The following LGR5 variants were observed in gnomAD, a reference collection of about 807,000 sequenced individuals.
The protein encoded by LGR5 is leucine-rich repeat-containing G protein-coupled receptor 5.
LGR5 carries 54 observed loss-of-function variants against 76.7 expected under a neutral mutation model. The ratio of observed to expected loss-of-function variants is 0.70; its 90% CI spans 0.57 to 0.88. The LOEUF (loss-of-function observed/expected upper bound fraction) is 0.88. Among genes scored for constraint, LGR5 ranks in the 40% least tolerant of loss-of-function variants. LGR5 has a pLI of 0.00. For missense variants in LGR5, 1,078 were observed against 1,073.3 expected (o/e 1.00, Z -0.06); for synonymous variants, 406 against 421.9 (o/e 0.96, Z 0.46).
chr12:71,511,613 C>T (rs1001362375), intron 2 of LGR5, among the ~76,000 whole-genome samples: 2 of 152,134 alleles, frequency 1.3e-5, no homozygotes, highest in Non-Finnish European at 2.9e-5. Flanking sequence ...CTTTATAAAC[C>T]ACTTCCAGGT....
chr12:71,493,895 AGT>A (rs1441311526), intron 1 of LGR5, among the ~76,000 whole-genome samples: 1 of 149,622 alleles, frequency 6.7e-6, no homozygotes, highest in Non-Finnish European at 1.5e-5. Flanking sequence ...CGGCCTATCA[AGT>A]GGCTGGGACC....
intron 2 of LGR5, among the ~76,000 whole-genome samples, chr12:71,520,048 G>C (rs1172338009): frequency 6.6e-6 from 1 of 151,828 alleles, no homozygotes; most frequent in Non-Finnish European, 1.5e-5. Flanking sequence ...TCCACTACTA[G>C]ATATATACCC....
At chr12:71,562,957 TAA>T (rs1878132679) in intron 8 of LGR5, among the ~76,000 whole-genome samples, 1 of 152,196 alleles carries the variant, frequency 6.6e-6, no homozygotes, top group Non-Finnish European at 1.5e-5. Context: ...TTTGGCAAAC[TAA>T]GAGTTTTAAA....
chr12:71,496,312 A>G (rs1453708332), intron 1 of LGR5, among the ~76,000 whole-genome samples: 1 of 144,752 alleles, frequency 6.9e-6, no homozygotes, highest in Non-Finnish European at 1.5e-5. Context: ...TGGAGGTTGC[A>G]GTGAGCTGAG....
At chr12:71,547,821 G>A (rs919333150) in intron 4 of LGR5, among the ~76,000 whole-genome samples, 1 of 152,118 alleles carries the variant, frequency 6.6e-6, no homozygotes, top group African/African-American at 2.4e-5. Context: ...TTGCCAGGCT[G>A]GTCTTGAACT....
In LGR5 at chr12:71,584,581, C is replaced by G; in HGVS notation, c.2571C>G (p.Val857=). Residue 857 remains valine, a synonymous_variant, in exon 18 of 18, where the codon GTC becomes GTG. Transcript: ENST00000266674. ...PSLMSINSDD[V]EKQSCDSTQA... ...TGATGTCAATTAACTCTGATGATGT[C>G]GAAAAACAGTCCTGTGACTCAACTC... 6.2e-7 allele frequency: 1 copy of G among 1,614,054 alleles called. No individual in the cohort carries two copies. Among genetic ancestry groups the G allele is most frequent in the South Asian group, 1.1e-5 (1 of 91,070 alleles).
chr12:71,468,426 A>G (rs1872948173), intron 1 of LGR5, among the ~76,000 whole-genome samples: 1 of 152,190 alleles, frequency 6.6e-6, no homozygotes, highest in Non-Finnish European at 1.5e-5. Flanking sequence ...CCCTGGAGAA[A>G]TGACTATGTA....
intron 1 of LGR5, among the ~76,000 whole-genome samples, chr12:71,483,403 G>A (rs998210902): frequency 6.6e-6 from 1 of 152,208 alleles, no homozygotes; most frequent in Non-Finnish European, 1.5e-5. Flanking sequence ...GACTGGCAAA[G>A]AGGAAAGCCA....
chr12:71,476,135 C>T (rs11835621), intron 1 of LGR5, among the ~76,000 whole-genome samples: 4,821 of 152,184 alleles, frequency 0.032, 242 homozygotes, highest in African/African-American at 0.1. Context: ...TCACCCAAAC[C>T]CACCAGTTCC....
At chr12:71,533,205 C>A (rs889414621) in intron 3 of LGR5, among the ~76,000 whole-genome samples, 6 of 151,926 alleles carry the variant, frequency 3.9e-5, no homozygotes, top group Admixed American at 2.0e-4. Context: ...ATTAGCCGGG[C>A]ACGGTGATGC....
chr12:71,477,099 A>G (rs1873370553), intron 1 of LGR5, among the ~76,000 whole-genome samples: 1 of 152,196 alleles, frequency 6.6e-6, no homozygotes, highest in South Asian at 2.1e-4. Flanking sequence ...AATTCCTGCC[A>G]TAAAACCCTA....
intron 8 of LGR5, among the ~76,000 whole-genome samples, chr12:71,564,673 TATATATAC>T (rs374485433): frequency 0.031 from 3,004 of 97,188 alleles, 176 homozygotes; most frequent in African/African-American, 0.073. Flanking sequence ...ACACACACTG[TATATATAC>T]ATATATACAT....
chr12:71,529,956 C>CAAA (rs34678480), intron 3 of LGR5, among the ~76,000 whole-genome samples: 6,662 of 91,262 alleles, frequency 0.073, 201 homozygotes, highest in Non-Finnish European at 0.1. Flanking sequence ...ATTCTGTCTC[C>CAAA]AAAAAAAAAA....
intron 2 of LGR5, among the ~76,000 whole-genome samples, chr12:71,510,775 A>G (rs146036320): frequency 2.1e-3 from 314 of 152,214 alleles, no homozygotes; most frequent in African/African-American, 7.2e-3. Flanking sequence ...AAGGCCTAAG[A>G]AGGTGATGTC....
chr12:71,494,530 A>T (rs1874227095), intron 1 of LGR5, among the ~76,000 whole-genome samples: 1 of 151,150 alleles, frequency 6.6e-6, no homozygotes, highest in Non-Finnish European at 1.5e-5. Context: ...AAACAATTTT[A>T]TCTAGATTAA....
chr12:71,525,435 C>A (rs1215058378), intron 3 of LGR5, among the ~76,000 whole-genome samples: 1 of 149,886 alleles, frequency 6.7e-6, no homozygotes, highest in East Asian at 1.9e-4. Context: ...AGAAGAAATG[C>A]TTTTAAGTTG....
Position 71,583,727 on chromosome 12 carries a change from A to C in LGR5, c.1717A>C (p.Thr573Pro), listed in dbSNP as rs747929573. 1 of 1,614,108 alleles carries C rather than the reference A, an allele frequency of 6.2e-7. No individual in the cohort carries two copies. The highest frequency in any genetic ancestry group is 1.7e-5 in the Admixed American group (1 of 60,016). ...GVWTIAVLAL[T>P]CNALVTSTVF... The stretch of plus-strand genomic sequence containing the variant: ...GTGGACCATAGCAGTTCTGGCACTT[A>C]CTTGTAATGCTTTGGTGACTTCAAC... The change falls in exon 18 of 18, where the codon ACT becomes CCT. Residue 573 changes from threonine (T) to proline (P), a missense_variant. Transcript: ENST00000266674.
intron 2 of LGR5, among the ~76,000 whole-genome samples, chr12:71,519,630 C>T (rs1875627034): frequency 6.6e-6 from 1 of 150,518 alleles, no homozygotes; most frequent in Non-Finnish European, 1.5e-5. Flanking sequence ...GAAACCCTGT[C>T]TCTACCAAAA....
chr12:71,444,011 A>G (rs1871879208), intron 1 of LGR5, among the ~76,000 whole-genome samples: 1 of 152,076 alleles, frequency 6.6e-6, no homozygotes. Flanking sequence ...TAATGTTAAT[A>G]AGAATGGAAC....
Sources: allele counts gnomAD v4.1 joint callset (sites outside exome capture counted in the v4.1 genomes callset), GRCh38; gene constraint gnomAD v4.1.1; transcripts MANE v1.5; gene names NCBI Gene and HGNC (gene_info 2026-07-23, HGNC 2026-07-21).